Variants in FGF7 observed in about 807,000 individuals in gnomAD.
The protein encoded by FGF7 is fibroblast growth factor 7, also known as FGF-7.
FGF7 carries 6 observed loss-of-function variants against 20.5 expected under a neutral mutation model. That is an observed-to-expected ratio of 0.29 (90% confidence interval 0.16 to 0.58). FGF7 has a LOEUF of 0.58. Among genes scored for constraint, FGF7 ranks in the 20% least tolerant of loss-of-function variants. The pLI, the probability that FGF7 is intolerant of heterozygous loss-of-function variation, is 0.90. For synonymous variants in FGF7, 64 were observed against 74.7 expected, an observed-to-expected ratio of 0.86 and a Z score of 0.74; for missense variants, 144 against 228.8, an observed-to-expected ratio of 0.63 and a Z score of 2.39.
intron 2 of FGF7, chr15:49,434,571 T>C (rs147698127): frequency 6.6e-6 from 1 of 151,724 alleles, no homozygotes; most frequent in African/African-American, 2.4e-5. Context: ...TTTTTGTAGA[T>C]GTTTGGTAGT....
At chr15:49,425,935 A>G (rs1263331186) in intron 2 of FGF7, among the ~76,000 whole-genome samples, 2 of 151,674 alleles carry the variant, frequency 1.3e-5, no homozygotes, top group Non-Finnish European at 2.9e-5. Flanking sequence ...ATCTACTTCT[A>G]TATAAGCAAC....
chr15:49,483,859 T>C (rs890325095), intron 3 of FGF7, among the ~76,000 whole-genome samples: 2 of 152,032 alleles, frequency 1.3e-5, no homozygotes, highest in African/African-American at 2.4e-5. Context: ...AAATTAACCT[T>C]TTATCTTCCA....
intron 2 of FGF7, among the ~76,000 whole-genome samples, chr15:49,435,586 C>T (rs913608832): frequency 1.3e-5 from 2 of 151,538 alleles, no homozygotes; most frequent in African/African-American, 2.4e-5. Context: ...TTAACAGGCA[C>T]ACAGAAGTGC....
chr15:49,479,979 G>T (rs1050444885), intron 2 of FGF7, among the ~76,000 whole-genome samples: 1 of 152,112 alleles, frequency 6.6e-6, no homozygotes, highest in African/African-American at 2.4e-5. Flanking sequence ...CACTGCAAGT[G>T]AACAAAAGAG....
At chr15:49,483,034 T>C (rs1433009615) in intron 2 of FGF7, 117 bp from the exon 3 acceptor site, 3 of 702,162 alleles carry the variant, frequency 4.3e-6, no homozygotes, top group Non-Finnish European at 7.7e-6. Context: ...GAGTAAATAA[T>C]CACATTAAAA....
At chr15:49,470,832 T>A (rs1233117808) in intron 2 of FGF7, among the ~76,000 whole-genome samples, 2 of 152,216 alleles carry the variant, frequency 1.3e-5, no homozygotes, top group Admixed American at 1.3e-4. Context: ...GAAGTAGAAA[T>A]GCAGTGACAA....
At chr15:49,455,168 A>G (rs1254971473) in intron 2 of FGF7, among the ~76,000 whole-genome samples, 1 of 152,208 alleles carries the variant, frequency 6.6e-6, no homozygotes. Context: ...ATTTGTATGC[A>G]TGCAATGTGA....
chr15:49,464,739 T>C (rs924938418), intron 2 of FGF7, among the ~76,000 whole-genome samples: 2 of 152,184 alleles, frequency 1.3e-5, no homozygotes, highest in Non-Finnish European at 2.9e-5. Context: ...TCAGGAAGAA[T>C]GTAAGACACA....
intron 2 of FGF7, among the ~76,000 whole-genome samples, chr15:49,461,785 T>C (rs1394875888): frequency 6.6e-6 from 1 of 152,212 alleles, no homozygotes; most frequent in Non-Finnish European, 1.5e-5. Context: ...TTATGCTAAT[T>C]ATGGTACTGA....
At chr15:49,432,601 G>A (rs1187297291) in intron 2 of FGF7, among the ~76,000 whole-genome samples, 2 of 151,502 alleles carry the variant, frequency 1.3e-5, no homozygotes, top group Non-Finnish European at 3.0e-5. Flanking sequence ...CTTTGGTGTT[G>A]TCAAGAACTA....
chr15:49,443,560 A>G (rs2051882486), intron 2 of FGF7, among the ~76,000 whole-genome samples: 1 of 151,758 alleles, frequency 6.6e-6, no homozygotes, highest in Admixed American at 6.6e-5. Flanking sequence ...TAACTGTTTC[A>G]TTGTGAATAG....
intron 2 of FGF7, among the ~76,000 whole-genome samples, chr15:49,432,006 G>T (rs1366815409): frequency 6.6e-6 from 1 of 151,540 alleles, no homozygotes; most frequent in Non-Finnish European, 1.5e-5. Flanking sequence ...TGAATCTCTT[G>T]GTTGATTTTG....
intron 2 of FGF7, among the ~76,000 whole-genome samples, chr15:49,472,454 A>C (rs1597413964): frequency 6.6e-6 from 1 of 152,240 alleles, no homozygotes; most frequent in Non-Finnish European, 1.5e-5. Flanking sequence ...AGGACACTTC[A>C]GTTAAATCGC....
chr15:49,474,884 C>T (rs1329151001), intron 2 of FGF7, among the ~76,000 whole-genome samples: 1 of 152,180 alleles, frequency 6.6e-6, no homozygotes, highest in Non-Finnish European at 1.5e-5. Flanking sequence ...TGAACCTCCC[C>T]CCGGCTCCCG....
In FGF7 at chr15:49,424,243, A is replaced by G; in HGVS notation, c.-55A>G. On this transcript the variant is annotated 5_prime_UTR_variant, in exon 2 of 4. Transcript: ENST00000267843. The stretch of plus-strand genomic sequence containing the variant: ...GTCAATGACCTAGGAGTAACAATCA[A>G]CTCAAGATTCATTTTCATTATGTTA... 6.7e-7 allele frequency: 1 copy of G among 1,503,612 alleles called. No homozygotes were observed. Among genetic ancestry groups the G allele is most frequent in the Non-Finnish European group, 9.2e-7 (1 of 1,091,868 alleles). 93.1% of individuals were successfully genotyped at this position (1,503,612 alleles called of 1,614,324 possible). A position where few individuals can be genotyped will look rare whatever the true frequency, so the allele number is the denominator to read the frequency against.
At chr15:49,430,857 C>A (rs1403426242) in intron 2 of FGF7, among the ~76,000 whole-genome samples, 3 of 151,896 alleles carry the variant, frequency 2.0e-5, no homozygotes, top group African/African-American at 7.2e-5. Context: ...TAAATTTCAA[C>A]ATGAGTTTTG....
intron 2 of FGF7, among the ~76,000 whole-genome samples, chr15:49,442,528 T>C (rs2051761238): frequency 6.6e-6 from 1 of 151,686 alleles, no homozygotes; most frequent in African/African-American, 2.4e-5. Context: ...GGTCTTTCCA[T>C]CTATTATATT....
At chr15:49,441,746 A>G (rs904993649) in intron 2 of FGF7, among the ~76,000 whole-genome samples, 8 of 151,382 alleles carry the variant, frequency 5.3e-5, no homozygotes, top group African/African-American at 1.7e-4. Context: ...TTTATTACAC[A>G]TTTTCATAAT....
rs1204881400 is a variant in FGF7, at chr15:49,487,348, AATG to A, written c.*2847_*2849del. ...TAGAAAAGAAAAAATTAAAACATGA[AATG>A]ATAACAAAAGTAAACAAAAGATACT... On this transcript the variant is annotated 3_prime_UTR_variant, in exon 4 of 4. Transcript: ENST00000267843. 5 of 151,966 alleles carry A rather than the reference AATG, an allele frequency of 3.3e-5. No homozygotes were observed. The highest frequency in any genetic ancestry group is 4.1e-4 in the South Asian group (2 of 4,832). The allele number at this position is 151,966 out of a possible 1,614,324, so 9.4% of individuals were successfully genotyped here. A position where few individuals can be genotyped will look rare whatever the true frequency, so the allele number is the denominator to read the frequency against.
Sources: gnomAD v4.1 joint callset for allele counts (sites outside exome capture counted in the v4.1 genomes callset) on GRCh38, gnomAD v4.1.1 for gene constraint, MANE v1.5 for transcripts, NCBI Gene and HGNC (gene_info 2026-07-23, HGNC 2026-07-21) for gene names.